Variants in PTPRN2 observed in about 807,000 individuals in gnomAD.
PTPRN2 encodes the protein receptor-type tyrosine-protein phosphatase N2.
Under a neutral mutation model 118.8 loss-of-function variants are expected in PTPRN2, and 74 were observed. The ratio of observed to expected loss-of-function variants is 0.62; its 90% confidence interval spans 0.52 to 0.76. The LOEUF (loss-of-function observed/expected upper bound fraction) is 0.76. Ranked by LOEUF, PTPRN2 falls within the 30% of genes least tolerant of loss-of-function variation. The pLI, the probability that PTPRN2 is intolerant of heterozygous loss-of-function variation, is 0.00. For synonymous variants in PTPRN2, 641 were observed against 608.0 expected (o/e 1.05, Z -0.80); for missense variants, 1,481 against 1,394.4 (o/e 1.06, Z -0.99).
intron 2 of PTPRN2, among the ~76,000 whole-genome samples, chr7:158,377,279 C>T (rs1322980017): frequency 9.2e-5 from 14 of 152,194 alleles, no homozygotes; most frequent in Non-Finnish European, 2.1e-4. Context: ...CCCTGTCACA[C>T]ATCAAGCACG....
At chr7:158,343,182 T>C (rs1167650256) in intron 2 of PTPRN2, among the ~76,000 whole-genome samples, 1 of 151,986 alleles carries the variant, frequency 6.6e-6, no homozygotes, top group East Asian at 1.9e-4. Context: ...GTATCCAAAA[T>C]ACATAAAGAA....
At position 157,674,459 on chromosome 7, in the gene PTPRN2, G is replaced by T. The variant is rs112254771; in HGVS notation, c.2001+8266C>A. 1.9e-4 allele frequency among the ~76,000 whole-genome samples: 29 copies of T among 152,200 alleles called. No individual in the cohort carries two copies. Among genetic ancestry groups the T allele is most frequent in the African/African-American group, 7.0e-4 (29 of 41,450 alleles). On this transcript the variant is annotated intron_variant, in intron 13 of 22. Transcript: ENST00000389418. The surrounding 1 kb of genome is among the most constrained non-coding windows in gnomAD (Gnocchi z 4.5). ...GCTTTTCCCGAAGCTTTCTCCTCTT[G>T]TAACACCCAGCTCCTGCATGCCGTG...
chr7:157,741,955 C>T (rs2150963567), intron 12 of PTPRN2, among the ~76,000 whole-genome samples: 1 of 152,322 alleles, frequency 6.6e-6, no homozygotes, highest in South Asian at 2.1e-4. Flanking sequence ...CAACGACGAA[C>T]CAATAAATGA....
At chr7:157,548,622 G>A (rs1051097008) in intron 22 of PTPRN2, among the ~76,000 whole-genome samples, 7 of 152,190 alleles carry the variant, frequency 4.6e-5, no homozygotes, top group Admixed American at 6.5e-5. Flanking sequence ...TGAGGGTTCT[G>A]GGATTTATCG....
chr7:157,800,958 AATATATATATACAT>A (rs1040534076), intron 12 of PTPRN2, among the ~76,000 whole-genome samples: 2 of 151,072 alleles, frequency 1.3e-5, no homozygotes, highest in African/African-American at 4.9e-5. Context: ...TTTCAAAAAA[AATATATATATACAT>A]ATATATATAT....
chr7:157,772,195 A>G (rs1439462417), intron 12 of PTPRN2, among the ~76,000 whole-genome samples: 1 of 151,772 alleles, frequency 6.6e-6, no homozygotes, highest in Admixed American at 6.6e-5. Context: ...ACAGACACAC[A>G]TACATACACA....
At chr7:158,542,908 A>G (rs1826071829) in intron 1 of PTPRN2, among the ~76,000 whole-genome samples, 2 of 152,170 alleles carry the variant, frequency 1.3e-5, no homozygotes, top group African/African-American at 4.8e-5. Context: ...TCTGAGCTCC[A>G]AAGGGCATCA....
chr7:158,199,615 G>A (rs1008043673), intron 4 of PTPRN2, among the ~76,000 whole-genome samples: 6 of 152,246 alleles, frequency 3.9e-5, no homozygotes, highest in African/African-American at 1.4e-4. Context: ...ACTGGCCCAT[G>A]GTGGATTCTT....
At chr7:158,315,761 CAT>C (rs1488455647) in intron 3 of PTPRN2, among the ~76,000 whole-genome samples, 1 of 152,212 alleles carries the variant, frequency 6.6e-6, no homozygotes, top group East Asian at 1.9e-4. Context: ...GGGGAAGAGA[CAT>C]ATTAGATAGA....
intron 2 of PTPRN2, among the ~76,000 whole-genome samples, chr7:158,472,388 C>G (rs1348184439): frequency 6.6e-6 from 1 of 152,166 alleles, no homozygotes; most frequent in East Asian, 1.9e-4. Flanking sequence ...TAAATGAGAA[C>G]AAAAATACAT....
chr7:157,621,254 C>T, intron 15 of PTPRN2, 108 bp downstream of exon 15: 1 of 517,918 alleles, frequency 1.9e-6, no homozygotes, highest in Non-Finnish European at 2.6e-6. Context: ...CCAGTTTCCT[C>T]CGCCCGGAAC....
intron 13 of PTPRN2, among the ~76,000 whole-genome samples, chr7:157,673,947 C>T (rs1457051098): frequency 6.6e-6 from 1 of 152,212 alleles, no homozygotes; most frequent in Non-Finnish European, 1.5e-5. Context: ...CTGCTGTCCC[C>T]GTTGTTCCAG....
Position 158,002,724 on chromosome 7 carries a change from C to T in PTPRN2, c.1723+78574G>A, listed in dbSNP as rs10261765. The stretch of plus-strand genomic sequence containing the variant: ...CCTGGAAGCAGATCTGAGGACGTTT[C>T]GGGCAGGTCAGCTGCAGCGAGAGAA... On this transcript the variant is annotated intron_variant, in intron 11 of 22. Coordinates refer to ENST00000389418, the MANE Select transcript of PTPRN2 (RefSeq NM_002847.5). Among the ~76,000 whole-genome samples, 853 of 152,292 alleles carry T rather than the reference C, an allele frequency of 5.6e-3. 9 individuals are homozygous for T. Among genetic ancestry groups the T allele is most frequent in the African/African-American group, 0.02 (828 of 41,582 alleles).
chr7:158,251,171 T>C (rs4909150), intron 3 of PTPRN2, among the ~76,000 whole-genome samples: 120,970 of 151,830 alleles, frequency 0.8, 48,502 homozygotes, highest in African/African-American at 0.87. Context: ...GGTAATAATG[T>C]GCTCATCTTC....
intron 12 of PTPRN2, among the ~76,000 whole-genome samples, chr7:157,686,410 C>T (rs1466511978): frequency 6.6e-6 from 1 of 152,112 alleles, no homozygotes; most frequent in Non-Finnish European, 1.5e-5. Context: ...GACTTGACTC[C>T]CTTTTTGTGG....
intron 11 of PTPRN2, among the ~76,000 whole-genome samples, chr7:157,922,388 G>T (rs1798736842): frequency 6.6e-6 from 1 of 152,196 alleles, no homozygotes; most frequent in African/African-American, 2.4e-5. Context: ...ATGGGGGTCT[G>T]GGTCTCAGTC....
chr7:157,548,088 T>C (rs1798416206), intron 22 of PTPRN2, among the ~76,000 whole-genome samples: 1 of 152,214 alleles, frequency 6.6e-6, no homozygotes, highest in South Asian at 2.1e-4. Context: ...TATTTCTGCA[T>C]TTTATTTATA....
At chr7:158,280,492 C>T (rs763017300) in intron 3 of PTPRN2, among the ~76,000 whole-genome samples, 10 of 152,174 alleles carry the variant, frequency 6.6e-5, no homozygotes, top group Non-Finnish European at 1.2e-4. Flanking sequence ...CATCCTTCTG[C>T]GTTTAATTGG....
chr7:157,689,565 G>T (rs1387956908), intron 12 of PTPRN2, among the ~76,000 whole-genome samples: 1 of 152,222 alleles, frequency 6.6e-6, no homozygotes, highest in Non-Finnish European at 1.5e-5. Context: ...ACTCTAACTT[G>T]GGGGTTCGCC....
Sources: allele counts gnomAD v4.1 joint callset (sites outside exome capture counted in the v4.1 genomes callset), GRCh38; gene constraint gnomAD v4.1.1; non-coding constraint Gnocchi (gnomAD v3.1); transcripts MANE v1.5; gene names NCBI Gene and HGNC (gene_info 2026-07-23, HGNC 2026-07-21).